Variants in MAK observed in about 807,000 individuals in gnomAD.
MAK encodes serine/threonine-protein kinase MAK.
Under a neutral mutation model 82.6 loss-of-function variants are expected in MAK, and 65 were observed. The ratio of observed to expected loss-of-function variants is 0.79; its 90% CI spans 0.64 to 0.97. The LOEUF is 0.97. MAK is among the 50% of genes least tolerant of loss of function. The pLI is 0.00. For missense variants in MAK, 703 were observed against 780.2 expected (o/e 0.90, Z 1.18); for synonymous variants, 250 against 274.2 (o/e 0.91, Z 0.87).
intron 10 of MAK, among the ~76,000 whole-genome samples, chr6:10,785,565 G>A (rs1774465251): frequency 6.6e-6 from 1 of 152,244 alleles, no homozygotes; most frequent in Non-Finnish European, 1.5e-5. Flanking sequence ...CTTGGGGGCA[G>A]TTCTAGGCAC....
intron 5 of MAK, among the ~76,000 whole-genome samples, chr6:10,812,113 T>C (rs1389969776): frequency 6.6e-6 from 1 of 152,026 alleles, no homozygotes; most frequent in East Asian, 1.9e-4. Flanking sequence ...GGTGGGAGGA[T>C]CACCTGAGCC....
intron 2 of MAK, among the ~76,000 whole-genome samples, chr6:10,827,207 C>CCA (rs1778440224): frequency 6.6e-6 from 1 of 152,140 alleles, no homozygotes; most frequent in African/African-American, 2.4e-5. Context: ...TCATATAAAA[C>CCA]CAGACAGTAA....
intron 2 of MAK, among the ~76,000 whole-genome samples, chr6:10,821,774 G>A (rs1450493071): frequency 6.6e-6 from 1 of 151,674 alleles, no homozygotes; most frequent in Admixed American, 6.6e-5. Context: ...GTTAGAGGCT[G>A]TAGTGTGCTA....
At chr6:10,821,694 G>T (rs765210619) in intron 2 of MAK, among the ~76,000 whole-genome samples, 1 of 152,158 alleles carries the variant, frequency 6.6e-6, no homozygotes, top group Non-Finnish European at 1.5e-5. Context: ...ACTCTCACTG[G>T]CATGCTGGTG....
Position 10,764,208 on chromosome 6 carries a change from C to T in MAK, c.*244G>A, listed in dbSNP as rs1265903298. The T allele has an allele frequency of 4.3e-6, 2 of 460,788 alleles. No homozygotes were observed. The highest frequency in any genetic ancestry group is 3.8e-5 in the Admixed American group (1 of 25,982). 28.5% of individuals were successfully genotyped at this position (460,788 alleles called of 1,614,324 possible). On this transcript the variant is annotated 3_prime_UTR_variant, in exon 15 of 15. Transcript: ENST00000354489. ...GTAGATCAAATACTTCATACTTTGGCAAATAGTTTATTCAATACTTTGTAA... is the reference window on the plus strand; with the variant it reads ...GTAGATCAAATACTTCATACTTTGGTAAATAGTTTATTCAATACTTTGTAA...
rs1335952010 is a variant in MAK, at chr6:10,764,223, A to G, written c.*229T>C. On this transcript the variant is annotated 3_prime_UTR_variant, in exon 15 of 15. Transcript: ENST00000354489. ...CATACTTTGGCAAATAGTTTATTCAATACTTTGTAACATCCTACCCATATA... is the reference window on the plus strand; with the variant it reads ...CATACTTTGGCAAATAGTTTATTCAGTACTTTGTAACATCCTACCCATATA... 7 of 528,812 alleles carry G rather than the reference A, an allele frequency of 1.3e-5. No individual in the cohort carries two copies. Among genetic ancestry groups the G allele is most frequent in the South Asian group, 7.5e-5 (3 of 39,742 alleles). The allele number at this position is 528,812 out of a possible 1,614,324, so 32.8% of individuals were successfully genotyped here. A position where few individuals can be genotyped will look rare whatever the true frequency, so the allele number is the denominator to read the frequency against.
At chr6:10,805,393 C>G (rs1776355919) in intron 6 of MAK, among the ~76,000 whole-genome samples, 1 of 151,936 alleles carries the variant, frequency 6.6e-6, no homozygotes, top group African/African-American at 2.4e-5. Flanking sequence ...CGAGACCGGC[C>G]TGGCCAACAT....
At chr6:10,774,841 A>G (rs1368517864) in intron 12 of MAK, among the ~76,000 whole-genome samples, 1 of 152,204 alleles carries the variant, frequency 6.6e-6, no homozygotes, top group East Asian at 1.9e-4. Flanking sequence ...AAAACACACC[A>G]TGGTAGCCAG....
chr6:10,771,605 T>C (rs764259686), intron 13 of MAK, among the ~76,000 whole-genome samples: 3 of 152,254 alleles, frequency 2.0e-5, no homozygotes, highest in Non-Finnish European at 2.9e-5. Flanking sequence ...TATAGCGTTA[T>C]CTGTTTACAC....
chr6:10,815,912 GTATATATATATATA>G lies in MAK; in HGVS notation c.278+1924_278+1937del, dbSNP rs3064109. Among the ~76,000 whole-genome samples the G allele has an allele frequency of 3.5e-3, 376 of 108,190 alleles. 3 individuals are homozygous for G. The highest frequency in any genetic ancestry group is 0.026 in the Middle Eastern group (5 of 192). 71.0% of individuals were successfully genotyped at this position (108,190 alleles called of 152,430 possible). A position where few individuals can be genotyped will look rare whatever the true frequency, so the allele number is the denominator to read the frequency against. Reference sequence around the variant, plus strand: ...TACTGTATTAGTGTAGCTTTATACAGTATATATATATATATATATATATATATATATATATGTAT... The same window carrying G: ...TACTGTATTAGTGTAGCTTTATACAGTATATATATATATATATATATGTAT... On this transcript the variant is annotated intron_variant, in intron 4 of 14. Coordinates refer to ENST00000354489, the MANE Select transcript of MAK (RefSeq NM_001242957.3).
chr6:10,837,522 C>G (rs924532520), intron 1 of MAK, among the ~76,000 whole-genome samples: 23 of 152,174 alleles, frequency 1.5e-4, no homozygotes, highest in African/African-American at 5.5e-4. Flanking sequence ...GGGGCCCGAT[C>G]GAAAAGCTGG....
At position 10,814,403 on chromosome 6, in the gene MAK, T is replaced by C. The variant is rs548392034; in HGVS notation, c.279-680A>G. Among the ~76,000 whole-genome samples the C allele has an allele frequency of 5.9e-5, 9 of 152,222 alleles. No homozygotes were observed. The South Asian group carries it at 1.7e-3, about 28-fold the overall frequency. On this transcript the variant is annotated intron_variant, in intron 4 of 14. Coordinates refer to ENST00000354489, the MANE Select transcript of MAK (RefSeq NM_001242957.3). Reference sequence around the variant, plus strand: ...TTGAGAGATGGCCGGATGTGGTGGCTAATGCCTATAATACCAGCACTTTGG... The same window carrying C: ...TTGAGAGATGGCCGGATGTGGTGGCCAATGCCTATAATACCAGCACTTTGG...
rs2127590703 is a variant in MAK at position 10,830,744 on chromosome 6, C to T, written c.-96G>A. ...CTTAATTTTTATTTGCTTTTGTCCTCACACTGTTGTTGCTACACTGGTGAC... is the reference window on the plus strand; with the variant it reads ...CTTAATTTTTATTTGCTTTTGTCCTTACACTGTTGTTGCTACACTGGTGAC... On this transcript the variant is annotated 5_prime_UTR_variant, in exon 2 of 15. It removes the in-frame stop codon of an upstream open reading frame in the 5' UTR. Transcript: ENST00000354489. 1.1e-6 allele frequency: 1 copy of T among 941,292 alleles called. No individual in the cohort carries two copies. The highest frequency in any genetic ancestry group is 1.3e-5 in the South Asian group (1 of 74,434). 58.3% of individuals were successfully genotyped at this position (941,292 alleles called of 1,614,324 possible).
At chr6:10,826,903 G>C (rs1375981514) in intron 2 of MAK, among the ~76,000 whole-genome samples, 2 of 152,126 alleles carry the variant, frequency 1.3e-5, no homozygotes, top group African/African-American at 4.8e-5. Context: ...CCTGAGGTCG[G>C]GAGTTCGAGA....
chr6:10,805,121 T>C (rs1776324486), intron 6 of MAK, among the ~76,000 whole-genome samples: 1 of 151,810 alleles, frequency 6.6e-6, no homozygotes, highest in Non-Finnish European at 1.5e-5. Flanking sequence ...GTCCCGTCCA[T>C]GGTTGGTGCT....
intron 13 of MAK, among the ~76,000 whole-genome samples, chr6:10,772,661 G>A (rs1172911386): frequency 1.3e-5 from 2 of 151,864 alleles, no homozygotes; most frequent in African/African-American, 4.8e-5. Context: ...TTAAAAAAGT[G>A]GTTGTTCATG....
intron 11 of MAK, among the ~76,000 whole-genome samples, chr6:10,782,491 C>A (rs1367738108): frequency 6.6e-6 from 1 of 151,808 alleles, no homozygotes; most frequent in Non-Finnish European, 1.5e-5. Context: ...CTTCTGTTTT[C>A]TCTCCCATTC....
intron 2 of MAK, among the ~76,000 whole-genome samples, chr6:10,819,873 G>A (rs1423777786): frequency 6.6e-6 from 1 of 152,154 alleles, no homozygotes; most frequent in Non-Finnish European, 1.5e-5. Context: ...AGCACTTTGG[G>A]AGGCGGAGGC....
chr6:10,799,359 C>T (rs1775833175), intron 8 of MAK, among the ~76,000 whole-genome samples: 1 of 152,132 alleles, frequency 6.6e-6, no homozygotes, highest in African/African-American at 2.4e-5. Flanking sequence ...TATTTCTTTT[C>T]CTGTGTTTCT....
Sources: allele counts gnomAD v4.1 joint callset (sites outside exome capture counted in the v4.1 genomes callset), GRCh38; gene constraint gnomAD v4.1.1; transcripts MANE v1.5; gene names NCBI Gene and HGNC (gene_info 2026-07-23, HGNC 2026-07-21).